The following NUP88 variants were observed in gnomAD, a reference collection of about 807,000 sequenced individuals.
NUP88 encodes nuclear pore complex protein Nup88.
A neutral mutation model predicts 93.9 loss-of-function variants in NUP88; 57 were observed. The observed-to-expected ratio is 0.61, with a 90% CI of 0.49 to 0.76. NUP88 has a LOEUF of 0.76. NUP88 is among the 30% of genes least tolerant of loss of function. The pLI, the probability that NUP88 is intolerant of heterozygous loss-of-function variation, is 0.00. For missense variants in NUP88, 911 were observed against 901.0 expected (o/e 1.01, Z -0.14); for synonymous variants, 346 against 336.8 (o/e 1.03, Z -0.30).
chr17:5,404,634 A>G (rs758617837), intron 6 of NUP88, among the ~76,000 whole-genome samples: 2 of 152,118 alleles, frequency 1.3e-5, no homozygotes, highest in African/African-American at 2.4e-5. Flanking sequence ...ATAATAAAAA[A>G]TAAATAAAAA....
At position 5,408,758 on chromosome 17, in the gene NUP88, G is replaced by A; in HGVS notation, c.832C>T (p.Leu278=). Residue 278 remains leucine, a synonymous_variant, in exon 5 of 17, where the codon CTG becomes TTG. Coordinates refer to ENST00000573584, the MANE Select transcript of NUP88 (RefSeq NM_002532.6). ...YILYENGETF[L]TYISLLHSPG... is the part of the protein sequence containing the mutation. Reference sequence around the variant, plus strand: ...CTGTGTAACAGACTGATGTATGTCAGGAAAGTCTCTCCATTTTCATATAAG... The same window carrying A: ...CTGTGTAACAGACTGATGTATGTCAAGAAAGTCTCTCCATTTTCATATAAG... 1 of 1,609,478 alleles carries A rather than the reference G, an allele frequency of 6.2e-7. No individual in the cohort carries two copies. The highest frequency in any genetic ancestry group is 8.5e-7 in the Non-Finnish European group (1 of 1,178,530).
chr17:5,400,357 G>A (rs946323369), intron 7 of NUP88, among the ~76,000 whole-genome samples: 2 of 151,766 alleles, frequency 1.3e-5, no homozygotes, highest in African/African-American at 2.4e-5. Context: ...TTAGCTGGCC[G>A]TGGTGGCATG....
chr17:5,413,264 A>G (rs1213042164), intron 3 of NUP88, among the ~76,000 whole-genome samples: 1 of 152,176 alleles, frequency 6.6e-6, no homozygotes, highest in Non-Finnish European at 1.5e-5. Flanking sequence ...GAGCCACTGC[A>G]ACCAGCCAAG....
chr17:5,392,852 C>T (rs1912528132), intron 9 of NUP88, among the ~76,000 whole-genome samples: 1 of 151,872 alleles, frequency 6.6e-6, no homozygotes, highest in Admixed American at 6.6e-5. Flanking sequence ...TGCAATAGTG[C>T]GATCACGACT....
At chr17:5,396,499 G>T (rs567992410) in intron 8 of NUP88, among the ~76,000 whole-genome samples, 1 of 152,276 alleles carries the variant, frequency 6.6e-6, no homozygotes, top group East Asian at 1.9e-4. Flanking sequence ...ATACTCTGTT[G>T]TATAGACACA....
At chr17:5,388,525 C>T (rs558909558) in intron 11 of NUP88, 13 of 256,980 alleles carry the variant, frequency 5.1e-5, no homozygotes, top group African/African-American at 2.2e-4. Context: ...CCTGACCTCG[C>T]GATTCACCCG....
rs1567563706 is a variant in NUP88 at position 5,387,688 on chromosome 17, AAT to A, written c.1770-20_1770-19del. 1.2e-6 allele frequency: 2 copies of A among 1,609,974 alleles called. No homozygotes were observed. The highest frequency in any genetic ancestry group is 1.1e-5 in the South Asian group (1 of 90,832). On this transcript the variant is annotated intron_variant, in intron 12 of 16. Transcript: ENST00000573584. ...ATTTGACCCTTTAAAAACAAAAAGA[AAT>A]AGAGTTTATTCAGAAGCCAGGTCTA...
chr17:5,410,792 A>G lies in NUP88; in HGVS notation c.594-3T>C, dbSNP rs1159476038. The G allele has an allele frequency of 1.9e-6, 3 of 1,578,934 alleles. No individual in the cohort carries two copies. The highest frequency in any genetic ancestry group is 4.5e-5 in the East Asian group (2 of 44,762). Reference sequence around the variant, plus strand: ...GCGGCTCACGTAGTGAGTAAATTCTAGCAACCAAAAGAGAAGAAAACCAGC... The same window carrying G: ...GCGGCTCACGTAGTGAGTAAATTCTGGCAACCAAAAGAGAAGAAAACCAGC... On this transcript the variant is annotated splice_polypyrimidine_tract_variant and splice_region_variant and intron_variant, in intron 3 of 16. Coordinates refer to ENST00000573584, the MANE Select transcript of NUP88 (RefSeq NM_002532.6).
chr17:5,405,252 G>T lies in NUP88; in HGVS notation c.858-9C>A. 1 of 1,608,556 alleles carries T rather than the reference G, an allele frequency of 6.2e-7. No homozygotes were observed. Among genetic ancestry groups the T allele is most frequent in the East Asian group, 2.2e-5 (1 of 44,712 alleles). On this transcript the variant is annotated splice_polypyrimidine_tract_variant and intron_variant, in intron 5 of 16. Transcript: ENST00000573584. ...TTCCAATATTTCCAGGGCTAAAGAA[G>T]GAGTAAAAACATATTTGGGAAATGT... is the stretch of plus-strand genomic sequence containing the variant.
chr17:5,407,386 T>C (rs1229587368), intron 5 of NUP88, among the ~76,000 whole-genome samples: 4 of 152,200 alleles, frequency 2.6e-5, no homozygotes, highest in Non-Finnish European at 5.9e-5. Flanking sequence ...ACTGGTTTAG[T>C]TGTATGCCCT....
intron 3 of NUP88, among the ~76,000 whole-genome samples, chr17:5,412,374 G>T (rs1212412511): frequency 6.6e-6 from 1 of 152,172 alleles, no homozygotes; most frequent in Non-Finnish European, 1.5e-5. Flanking sequence ...TAATAAGGGA[G>T]ACTGGTGCAT....
At position 5,393,536 on chromosome 17, in the gene NUP88, A is replaced by G. The variant is rs571495748; in HGVS notation, c.1382+1355T>C. Among the ~76,000 whole-genome samples the G allele has an allele frequency of 3.4e-5, 5 of 146,672 alleles. No homozygotes were observed. The South Asian group carries it at 1.1e-3, about 32-fold the overall frequency. On this transcript the variant is annotated intron_variant, in intron 9 of 16. Coordinates refer to ENST00000573584, the MANE Select transcript of NUP88 (RefSeq NM_002532.6). ...ACTGCAACCTGTGCTGCCCGGGTTC[A>G]AGCAATTCTCCTGCCTCAGCCTCCC...
chr17:5,389,396 G>A (rs1912263518), intron 10 of NUP88, among the ~76,000 whole-genome samples: 1 of 152,182 alleles, frequency 6.6e-6, no homozygotes, highest in African/African-American at 2.4e-5. Flanking sequence ...TCAGTCAAGT[G>A]CAAATACTCA....
At chr17:5,394,442 GAC>G (rs778430770) in intron 9 of NUP88, among the ~76,000 whole-genome samples, 17 of 152,292 alleles carry the variant, frequency 1.1e-4, no homozygotes, top group South Asian at 2.1e-4. Context: ...GTGAAGGGCA[GAC>G]ACAGTCTCTG....
chr17:5,393,731 T>C (rs1432962403), intron 9 of NUP88, among the ~76,000 whole-genome samples: 1 of 152,168 alleles, frequency 6.6e-6, no homozygotes, highest in East Asian at 1.9e-4. Context: ...CCACAGTGCC[T>C]GGTTTCACTG....
intron 9 of NUP88, among the ~76,000 whole-genome samples, 185 bp downstream of exon 9, chr17:5,394,706 G>A (rs1485565655): frequency 2.6e-5 from 4 of 152,160 alleles, no homozygotes; most frequent in Non-Finnish European, 2.9e-5. Context: ...ACAGTATGTC[G>A]AGTGGCCCTG....
intron 1 of NUP88, among the ~76,000 whole-genome samples, chr17:5,417,342 C>T (rs778635313): frequency 2.6e-5 from 4 of 152,164 alleles, no homozygotes; most frequent in Non-Finnish European, 4.4e-5. Context: ...TGGCACATGC[C>T]TGTAGTCCCA....
chr17:5,413,331 G>A (rs2151647534), intron 3 of NUP88, among the ~76,000 whole-genome samples: 1 of 152,354 alleles, frequency 6.6e-6, no homozygotes, highest in East Asian at 1.9e-4. Flanking sequence ...GAAAGCTATG[G>A]GGATCTGTAT....
At chr17:5,388,452 AT>A (rs112340061) in intron 11 of NUP88, 32 of 163,016 alleles carry the variant, frequency 2.0e-4, no homozygotes, top group Non-Finnish European at 3.2e-4. Flanking sequence ...CACCCAGCTA[AT>A]TTTTTTTTGT....
Sources: gnomAD v4.1 joint callset for allele counts (sites outside exome capture counted in the v4.1 genomes callset) on GRCh38, gnomAD v4.1.1 for gene constraint, MANE v1.5 for transcripts, NCBI Gene and HGNC (gene_info 2026-07-23, HGNC 2026-07-21) for gene names.